The following KL variants were observed in gnomAD, a reference collection of about 807,000 sequenced individuals.
The protein encoded by KL is klotho.
In KL, 62 loss-of-function variants were observed where a neutral mutation model predicts 84.2. That is an observed-to-expected ratio of 0.74 (90% confidence interval 0.60 to 0.91). The LOEUF is 0.91. Among genes scored for constraint, KL ranks in the 40% least tolerant of loss-of-function variants. The pLI, the probability that KL is intolerant of heterozygous loss-of-function variation, is 0.00. For missense variants in KL, 1,261 were observed against 1,305.7 expected (o/e 0.97, Z 0.53); for synonymous variants, 528 against 528.0 (o/e 1.00, Z 0.00).
In KL at chr13:33,064,982, A is replaced by T. The variant is rs1872354846; in HGVS notation, c.*796A>T. The stretch of plus-strand genomic sequence containing the variant: ...CTTCAGGAAGCATAAAGCAATTGTG[A>T]AATACAGTATACCGCAGTGGCTCTA... On this transcript the variant is annotated 3_prime_UTR_variant, in exon 5 of 5. Coordinates refer to ENST00000380099, the MANE Select transcript of KL (RefSeq NM_004795.4). 1 of 227,920 alleles carries T rather than the reference A, an allele frequency of 4.4e-6. No individual in the cohort carries two copies. The highest frequency in any genetic ancestry group is 8.7e-6 in the Non-Finnish European group (1 of 114,764). The allele number at this position is 227,920 out of a possible 1,614,324, so 14.1% of individuals were successfully genotyped here. A position where few individuals can be genotyped will look rare whatever the true frequency, so the allele number is the denominator to read the frequency against.
At chr13:33,025,428 G>C (rs1004069958) in intron 1 of KL, among the ~76,000 whole-genome samples, 1 of 152,188 alleles carries the variant, frequency 6.6e-6, no homozygotes, top group Non-Finnish European at 1.5e-5. Context: ...TACAAAAATA[G>C]GTAGTGGGCC....
At chr13:33,059,566 G>A (rs903577889) in intron 3 of KL, among the ~76,000 whole-genome samples, 3 of 151,842 alleles carry the variant, frequency 2.0e-5, no homozygotes, top group Non-Finnish European at 2.9e-5. Context: ...TCTGCCTCCC[G>A]GGTTCAAGTG....
intron 1 of KL, among the ~76,000 whole-genome samples, chr13:33,047,793 A>C (rs373725703): frequency 3.3e-5 from 5 of 152,106 alleles, no homozygotes; most frequent in South Asian, 2.1e-4. Context: ...TGGAAAAATC[A>C]GATTTTTTGG....
At chr13:33,019,891 C>G (rs775383350) in intron 1 of KL, among the ~76,000 whole-genome samples, 1 of 152,088 alleles carries the variant, frequency 6.6e-6, no homozygotes, top group Non-Finnish European at 1.5e-5. Flanking sequence ...TTCTCTCGGA[C>G]TTGAAGACCA....
chr13:33,050,591 A>C (rs1871706045), intron 1 of KL, among the ~76,000 whole-genome samples: 1 of 152,156 alleles, frequency 6.6e-6, no homozygotes, highest in South Asian at 2.1e-4. Flanking sequence ...AGTATGTGTG[A>C]GACTCTTGGT....
chr13:33,042,814 T>G (rs1351297150), intron 1 of KL, among the ~76,000 whole-genome samples: 1 of 152,148 alleles, frequency 6.6e-6, no homozygotes, highest in East Asian at 1.9e-4. Flanking sequence ...CCCGAGTACC[T>G]GGGATTACAG....
At chr13:33,043,967 A>G (rs867690331) in intron 1 of KL, among the ~76,000 whole-genome samples, 9 of 138,040 alleles carry the variant, frequency 6.5e-5, no homozygotes, top group African/African-American at 1.9e-4. Flanking sequence ...ATTTTGTTCT[A>G]TAAGTTTTAT....
chr13:33,059,120 T>C (rs1399365103), intron 3 of KL, among the ~76,000 whole-genome samples: 1 of 152,202 alleles, frequency 6.6e-6, no homozygotes, highest in Non-Finnish European at 1.5e-5. Flanking sequence ...CCTGCTTTTA[T>C]ACAGAGCATC....
chr13:33,059,097 A>G (rs1053837986), intron 3 of KL, among the ~76,000 whole-genome samples: 2 of 152,212 alleles, frequency 1.3e-5, no homozygotes, highest in South Asian at 2.1e-4. Flanking sequence ...AACCTCTGCT[A>G]TGGTTTCTGA....
At chr13:33,024,210 G>A (rs2138192842) in intron 1 of KL, among the ~76,000 whole-genome samples, 1 of 152,336 alleles carries the variant, frequency 6.6e-6, no homozygotes. Context: ...GCTAATGTCT[G>A]CTCCAAGAAG....
chr13:33,061,184 AC>A lies in KL; in HGVS notation c.2107del (p.Leu703PhefsTer2). ...TRNMTYSAGHNLLKAHALAWH... is the reference protein window; with the variant it reads ...TRNMTYSAGHXLLKAHALAWH... ...AATATGACATACAGTGCTGGCCACA[AC>A]CTTCTGAAGGCCCATGCCCTGGCTT... On this transcript the variant is annotated frameshift_variant, in exon 4 of 5. Transcript: ENST00000380099. LOFTEE classifies it high-confidence loss of function. 6.2e-7 allele frequency: 1 copy of A among 1,614,254 alleles called. No individual in the cohort carries two copies. The highest frequency in any genetic ancestry group is 8.5e-7 in the Non-Finnish European group (1 of 1,180,042).
chr13:33,061,762 A>C lies in KL; in HGVS notation c.2683A>C (p.Ile895Leu). 1.2e-6 allele frequency: 2 copies of C among 1,613,818 alleles called. No individual in the cohort carries two copies. Among genetic ancestry groups the C allele is most frequent in the Non-Finnish European group, 1.7e-6 (2 of 1,180,028 alleles). The change falls in exon 4 of 5, where the codon ATA (isoleucine) becomes CTA (leucine). Residue 895 changes from isoleucine to leucine, a missense_variant. Ile to Leu is a conservative substitution (Grantham distance 5). Transcript: ENST00000380099. ...QLRVYYMQNY[I>L]NEALKAHILD... ...GAGGGTGTATTATATGCAGAATTAC[A>C]TAAACGAAGCTCTCAAAGGTAAGGA...
intron 1 of KL, among the ~76,000 whole-genome samples, chr13:33,025,295 T>C (rs916159611): frequency 6.6e-6 from 1 of 152,232 alleles, no homozygotes; most frequent in Non-Finnish European, 1.5e-5. Context: ...GGCTAAGTTT[T>C]GGACTTTGCA....
At chr13:33,023,487 T>C (rs999645216) in intron 1 of KL, among the ~76,000 whole-genome samples, 1 of 152,252 alleles carries the variant, frequency 6.6e-6, no homozygotes. Context: ...TTCTTTGAAA[T>C]TATTTCAATA....
At chr13:33,025,685 T>C (rs369471094) in intron 1 of KL, among the ~76,000 whole-genome samples, 5 of 152,226 alleles carry the variant, frequency 3.3e-5, no homozygotes, top group East Asian at 3.9e-4. Flanking sequence ...GTGTTCAGAG[T>C]AGGCTTCAGC....
chr13:33,019,708 GGT>G (rs111786826), intron 1 of KL, among the ~76,000 whole-genome samples: 87 of 133,236 alleles, frequency 6.5e-4, no homozygotes, highest in Admixed American at 1.9e-3. Flanking sequence ...TGGCAAAAAT[GGT>G]GTGTGTGTGT....
chr13:33,061,617 G>T lies in KL; in HGVS notation c.2538G>T (p.Ala846=). 2 of 1,614,212 alleles carry T rather than the reference G, an allele frequency of 1.2e-6. No individual in the cohort carries two copies. Among genetic ancestry groups the T allele is most frequent in the Non-Finnish European group, 1.7e-6 (2 of 1,180,048 alleles). The change falls in exon 4 of 5, where the codon GCG becomes GCT. Residue 846 remains alanine (A), a synonymous_variant. Transcript: ENST00000380099. ...ITWLNSPSQV[A]VVPWGLRKVL... ...GGCTCAACTCCCCCAGTCAGGTGGC[G>T]GTAGTGCCCTGGGGGTTGCGCAAAG...
At chr13:33,031,466 G>A (rs1251504708) in intron 1 of KL, among the ~76,000 whole-genome samples, 4 of 152,186 alleles carry the variant, frequency 2.6e-5, no homozygotes, top group Admixed American at 1.3e-4. Context: ...TATTCTGCAC[G>A]CTTAATAATG....
At chr13:33,047,518 C>T (rs569774132) in intron 1 of KL, among the ~76,000 whole-genome samples, 27 of 152,008 alleles carry the variant, frequency 1.8e-4, no homozygotes, top group South Asian at 4.2e-4. Flanking sequence ...TTAGTAGAGA[C>T]GGGGTTTCAC....
Sources: gnomAD v4.1 joint callset for allele counts (sites outside exome capture counted in the v4.1 genomes callset) on GRCh38, gnomAD v4.1.1 for gene constraint, MANE v1.5 for transcripts, NCBI Gene and HGNC (gene_info 2026-07-23, HGNC 2026-07-21) for gene names.